Variants in CFAP92 observed in about 807,000 individuals in gnomAD.
CFAP92 encodes cilia and flagella associated protein 92 (putative), also known as uncharacterized protein CFAP92.
In CFAP92, 86 loss-of-function variants were observed where a neutral mutation model predicts 106.3. That is an observed-to-expected ratio of 0.81 (90% CI 0.68 to 0.97). The LOEUF is 0.97. Among genes scored for constraint, CFAP92 ranks in the 50% least tolerant of loss-of-function variants. The pLI is 0.00. For missense variants in CFAP92, 1,204 were observed against 1,283.8 expected, an observed-to-expected ratio of 0.94 and a Z score of 0.95; for synonymous variants, 477 against 506.4, an observed-to-expected ratio of 0.94 and a Z score of 0.78.
At chr3:128,927,507 G>A (rs1323417674) in intron 12 of CFAP92, among the ~76,000 whole-genome samples, 3 of 151,844 alleles carry the variant, frequency 2.0e-5, no homozygotes, top group Admixed American at 1.3e-4. Flanking sequence ...GATCAACGAG[G>A]TCAGGAGATC....
Position 128,945,224 on chromosome 3 carries a change from A to G in CFAP92, c.2105T>C (p.Leu702Pro), listed in dbSNP as rs1940082673. The part of the protein sequence containing the change: ...SYPVRTLQQI[L>P]SAFKVRVRVQ... ...CCGCACACGCACCTTGAAGGCTGAC[A>G]GGATCTGCTGCAGGGTCCTGACAGG... The change falls in exon 10 of 16, where the codon CTG becomes CCG. Residue 702 changes from leucine (L) to proline (P), a missense_variant. Coordinates refer to ENST00000645291, the MANE Select transcript of CFAP92 (RefSeq NM_001394090.1). 1 of 1,536,048 alleles carries G rather than the reference A, an allele frequency of 6.5e-7. No individual in the cohort carries two copies. Among genetic ancestry groups the G allele is most frequent in the African/African-American group, 1.4e-5 (1 of 73,040 alleles).
chr3:128,957,162 T>G (rs1017345119), intron 9 of CFAP92, among the ~76,000 whole-genome samples: 2 of 152,062 alleles, frequency 1.3e-5, no homozygotes, highest in African/African-American at 4.8e-5. Context: ...AGAAAGGAAA[T>G]GACAAAAGAA....
chr3:128,940,400 C>T (rs557757233), intron 10 of CFAP92, among the ~76,000 whole-genome samples: 4 of 152,276 alleles, frequency 2.6e-5, no homozygotes, highest in African/African-American at 9.6e-5. Flanking sequence ...ACTTGAGGAA[C>T]TGCCAGAATG....
At chr3:129,003,230 G>A (rs1944883000), upstream of CFAP92, 9 of 985,428 alleles carry the variant, frequency 9.1e-6, no homozygotes, top group Non-Finnish European at 1.1e-5. Context: ...GGAATCCCAA[G>A]TAACGTACTG....
chr3:128,928,052 C>T (rs189857199), intron 12 of CFAP92, among the ~76,000 whole-genome samples: 50 of 151,974 alleles, frequency 3.3e-4, no homozygotes, highest in Admixed American at 1.1e-3. Flanking sequence ...AGAGATTGAC[C>T]CCATCCTGGC....
chr3:128,913,264 G>C (rs1936543536), intron 15 of CFAP92: 1 of 354,884 alleles, frequency 2.8e-6, no homozygotes, highest in Non-Finnish European at 5.5e-6. Flanking sequence ...CAGACACACA[G>C]TGCAGGCCAC....
chr3:129,005,371 A>G (rs1945025963), upstream of CFAP92, among the ~76,000 whole-genome samples: 1 of 152,274 alleles, frequency 6.6e-6, no homozygotes, highest in South Asian at 2.1e-4. Context: ...GCCCTAGGGC[A>G]GAAGGGACCA....
Position 128,916,188 on chromosome 3 carries a change from G to A in CFAP92, c.2835C>T (p.Asn945=). 8.1e-7 allele frequency: 1 copy of A among 1,232,120 alleles called. No individual in the cohort carries two copies. Among genetic ancestry groups the A allele is most frequent in the Non-Finnish European group, 1.0e-6 (1 of 987,966 alleles). The allele number at this position is 1,232,120 out of a possible 1,614,324, so 76.3% of individuals were successfully genotyped here. A position where few individuals can be genotyped will look rare whatever the true frequency, so the allele number is the denominator to read the frequency against. Residue 945 remains asparagine, a synonymous_variant, in exon 13 of 16, where the codon AAC becomes AAT. Transcript: ENST00000645291. ...GGGTACTATAGTTGTAGACGGCCTT[G>A]TTGGCAGGGGCTGAAATTTTAATCA... ...AKVIKISAPA[N]KAVYNYSTQT...
chr3:128,948,029 G>A (rs539888880), intron 9 of CFAP92, among the ~76,000 whole-genome samples: 1 of 152,150 alleles, frequency 6.6e-6, no homozygotes, highest in East Asian at 1.9e-4. Flanking sequence ...TTTTTGCTCT[G>A]CAAAAGACAC....
the CFAP92 span, among the ~76,000 whole-genome samples, chr3:129,014,012 C>T: frequency 6.6e-6 from 1 of 152,192 alleles, no homozygotes; most frequent in East Asian, 1.9e-4. This position sits in a 1 kb window ranked among gnomAD's most constrained non-coding sequence, Gnocchi z 4.3. Context: ...CTGGAGAAGC[C>T]TGGAGCCACC....
At chr3:128,972,114 G>A (rs888975750) in intron 7 of CFAP92, among the ~76,000 whole-genome samples, 2 of 152,180 alleles carry the variant, frequency 1.3e-5, no homozygotes, top group African/African-American at 4.8e-5. Flanking sequence ...CCATATGGGA[G>A]CAAATTAAGT....
the CFAP92 span, among the ~76,000 whole-genome samples, chr3:129,024,538 A>AG: frequency 6.6e-6 from 1 of 151,502 alleles, no homozygotes; most frequent in East Asian, 1.9e-4. Flanking sequence ...CGCAAAAAAA[A>AG]AGAAAAAAAA....
Position 128,993,287 on chromosome 3 carries a change from C to T in CFAP92, c.18G>A (p.Trp6Ter). 1.2e-6 allele frequency: 2 copies of T among 1,613,534 alleles called. No homozygotes were observed. The highest frequency in any genetic ancestry group is 1.7e-6 in the Non-Finnish European group (2 of 1,179,806). MSLHA[W>*]EWEEDPASIE... Reference sequence around the variant, plus strand: ...TGCTTGCGGGGTCCTCTTCCCACTCCCAGGCATGTAGCGACATGCTGCAGA... The same window carrying T: ...TGCTTGCGGGGTCCTCTTCCCACTCTCAGGCATGTAGCGACATGCTGCAGA... Residue 6 changes from tryptophan to a stop codon, truncating the protein, a stop_gained, in exon 2 of 16, where the codon TGG becomes TGA. Transcript: ENST00000645291. LOFTEE classifies it high-confidence loss of function.
At chr3:129,001,954 C>T in intron 1 of CFAP92, 14 of 1,543,802 alleles carry the variant, frequency 9.1e-6, no homozygotes, top group Non-Finnish European at 1.2e-5. Flanking sequence ...AGAGATGTGA[C>T]CCCCGGGGAT....
In CFAP92 at chr3:128,987,606, ACC is replaced by A. The variant is rs774524871; in HGVS notation, c.667+8_667+9del. The A allele has an allele frequency of 9.3e-6, 15 of 1,612,236 alleles. No homozygotes were observed. The South Asian group carries it at 1.3e-4, about 14-fold the overall frequency. On this transcript the variant is annotated splice_region_variant and intron_variant, in intron 4 of 15. Transcript: ENST00000645291. ...GGCTTCCAGAACCATTTCAAATAAA[ACC>A]AGAGCACCTGACTTATGAAAAGCTC... is the stretch of plus-strand genomic sequence containing the variant.
At chr3:128,950,085 G>A (rs970940028) in intron 9 of CFAP92, among the ~76,000 whole-genome samples, 32 of 152,108 alleles carry the variant, frequency 2.1e-4, no homozygotes, top group African/African-American at 7.5e-4. Context: ...AATAACAGAG[G>A]GTCTCTGGAA....
At chr3:129,000,571 A>G (rs946401951) in intron 1 of CFAP92, among the ~76,000 whole-genome samples, 8 of 152,200 alleles carry the variant, frequency 5.3e-5, no homozygotes, top group Non-Finnish European at 1.0e-4. Context: ...CAGGTGGACA[A>G]TATCACAATA....
intron 2 of CFAP92, chr3:128,991,912 T>C (rs147500761): frequency 1.2e-5 from 12 of 983,656 alleles, no homozygotes; most frequent in African/African-American, 1.7e-5. Context: ...TCCCCTCATA[T>C]TGGGCTGGAA....
chr3:128,977,901 T>C, intron 5 of CFAP92, 144 bp downstream of exon 5: 1 of 889,158 alleles, frequency 1.1e-6, no homozygotes, highest in South Asian at 1.7e-5. Context: ...AATACAGCCG[T>C]GTGGCAGGGT....
Sources: gnomAD v4.1 joint callset for allele counts (sites outside exome capture counted in the v4.1 genomes callset) on GRCh38, gnomAD v4.1.1 for gene constraint, Gnocchi (gnomAD v3.1) non-coding constraint, MANE v1.5 for transcripts, NCBI Gene and HGNC (gene_info 2026-07-23, HGNC 2026-07-21) for gene names.